The following EPHA6 variants were observed in gnomAD, a reference collection of about 807,000 sequenced individuals.
EPHA6 encodes EPH receptor A6.
Under a neutral mutation model 112.0 loss-of-function variants are expected in EPHA6, and 50 were observed. The observed-to-expected ratio is 0.45, with a 90% CI of 0.36 to 0.56. The LOEUF is 0.56. Ranked by LOEUF, EPHA6 falls within the 20% of genes least tolerant of loss-of-function variation. The pLI is 0.00. For missense variants in EPHA6, 1,280 were observed against 1,417.4 expected (o/e 0.90, Z 1.56); for synonymous variants, 529 against 490.7 (o/e 1.08, Z -1.03).
At chr3:97,240,428 C>T (rs1043958635) in intron 4 of EPHA6, among the ~76,000 whole-genome samples, 2 of 151,778 alleles carry the variant, frequency 1.3e-5, no homozygotes, top group Non-Finnish European at 2.9e-5. Flanking sequence ...TTAAATATAG[C>T]TTAATATGCA....
chr3:97,370,360 C>G (rs2084976899), intron 5 of EPHA6, among the ~76,000 whole-genome samples: 1 of 152,108 alleles, frequency 6.6e-6, no homozygotes, highest in South Asian at 2.1e-4. Context: ...AAGTCCTTGA[C>G]CACAAAAAAT....
chr3:97,069,417 A>G (rs564898222), intron 3 of EPHA6, among the ~76,000 whole-genome samples: 3 of 152,276 alleles, frequency 2.0e-5, no homozygotes, highest in African/African-American at 4.8e-5. Flanking sequence ...GTATCTGCAC[A>G]TAAGTTGGCC....
At chr3:97,616,189 G>T (rs1417012366) in intron 13 of EPHA6, among the ~76,000 whole-genome samples, 1 of 152,118 alleles carries the variant, frequency 6.6e-6, no homozygotes, top group Non-Finnish European at 1.5e-5. Flanking sequence ...AGGCAACCAG[G>T]CACTGGAGCA....
chr3:97,620,157 G>A (rs1224540672), intron 13 of EPHA6, among the ~76,000 whole-genome samples: 1 of 151,982 alleles, frequency 6.6e-6, no homozygotes, highest in African/African-American at 2.4e-5. Context: ...ACAAAAACAA[G>A]CAATGAGGAA....
intron 14 of EPHA6, among the ~76,000 whole-genome samples, chr3:97,705,605 C>A (rs375316600): frequency 6.6e-6 from 1 of 152,028 alleles, no homozygotes; most frequent in Non-Finnish European, 1.5e-5. Context: ...TGTACACACA[C>A]TGAATATTTG....
chr3:96,916,683 A>G (rs538299441), intron 2 of EPHA6, among the ~76,000 whole-genome samples: 33 of 152,230 alleles, frequency 2.2e-4, no homozygotes, highest in Admixed American at 2.6e-4. Flanking sequence ...GTAGGAAGTA[A>G]GTTGGGCCTA....
At chr3:96,964,865 A>G (rs949761792) in intron 2 of EPHA6, among the ~76,000 whole-genome samples, 13 of 152,196 alleles carry the variant, frequency 8.5e-5, no homozygotes, top group Admixed American at 8.5e-4. Flanking sequence ...GTCTTCATCA[A>G]TAGTATTGTC....
intron 11 of EPHA6, among the ~76,000 whole-genome samples, chr3:97,534,508 TTTAA>T (rs1007802007): frequency 1.3e-5 from 2 of 149,686 alleles, no homozygotes; most frequent in East Asian, 2.0e-4. Flanking sequence ...AGTTTTATAC[TTTAA>T]TTATCTTATT....
chr3:97,264,306 G>A (rs1461693600), intron 5 of EPHA6, among the ~76,000 whole-genome samples: 2 of 152,236 alleles, frequency 1.3e-5, no homozygotes, highest in African/African-American at 4.8e-5. Context: ...AAGCGTGTGT[G>A]TGAGCATGGG....
At chr3:96,829,993 A>G (rs907931329) in intron 1 of EPHA6, among the ~76,000 whole-genome samples, 4 of 151,570 alleles carry the variant, frequency 2.6e-5, no homozygotes, top group African/African-American at 4.8e-5. Flanking sequence ...ACACACAGAA[A>G]TGGTATGCTA....
At chr3:97,403,218 TC>T (rs2087107341) in intron 5 of EPHA6, among the ~76,000 whole-genome samples, 1 of 152,052 alleles carries the variant, frequency 6.6e-6, no homozygotes, top group African/African-American at 2.4e-5. Flanking sequence ...ATCAACAATA[TC>T]ATTATTAAAA....
intron 10 of EPHA6, among the ~76,000 whole-genome samples, chr3:97,490,586 A>G (rs974514347): frequency 6.6e-6 from 1 of 152,176 alleles, no homozygotes; most frequent in Non-Finnish European, 1.5e-5. Context: ...AGAGTTCTCC[A>G]AGGATGTTAG....
chr3:97,507,482 A>G (rs992827008), intron 10 of EPHA6, among the ~76,000 whole-genome samples: 1 of 152,272 alleles, frequency 6.6e-6, no homozygotes, highest in African/African-American at 2.4e-5. Flanking sequence ...ATTTGCATAT[A>G]TTAAACCAGC....
intron 11 of EPHA6, among the ~76,000 whole-genome samples, chr3:97,583,786 C>A (rs1179646252): frequency 6.6e-6 from 1 of 152,042 alleles, no homozygotes; most frequent in Non-Finnish European, 1.5e-5. Flanking sequence ...AACAAACTGA[C>A]TAGAAAGTTT....
At chr3:96,856,433 AT>A (rs1489910177) in intron 1 of EPHA6, among the ~76,000 whole-genome samples, 2 of 152,130 alleles carry the variant, frequency 1.3e-5, no homozygotes, top group Non-Finnish European at 2.9e-5. Flanking sequence ...TGGAAAAAAA[AT>A]ATTGGTTTAT....
chr3:97,047,311 T>C lies in EPHA6; in HGVS notation c.1114+59318T>C, dbSNP rs192882196. ...GTCAGGAGATCAAGACCATCCTGGC[T>C]AACATGGTGAAACCCCGTCTCTACT... On this transcript the variant is annotated intron_variant, in intron 3 of 17. Transcript: ENST00000389672. 2.5e-3 allele frequency among the ~76,000 whole-genome samples: 374 copies of C among 151,746 alleles called. 3 individuals carry two copies. Among genetic ancestry groups the C allele is most frequent in the African/African-American group, 8.7e-3 (359 of 41,424 alleles).
intron 5 of EPHA6, among the ~76,000 whole-genome samples, chr3:97,297,590 C>T (rs2080920282): frequency 1.3e-5 from 2 of 151,896 alleles, no homozygotes; most frequent in African/African-American, 4.8e-5. Context: ...TAGAAAGTAA[C>T]AATAAAGTTG....
At chr3:97,713,975 C>T (rs2034101525) in intron 14 of EPHA6, among the ~76,000 whole-genome samples, 1 of 152,210 alleles carries the variant, frequency 6.6e-6, no homozygotes, top group Non-Finnish European at 1.5e-5. Context: ...TGGACCAAGA[C>T]ACACAGATTT....
chr3:97,635,980 A>T (rs2107550831), intron 13 of EPHA6, among the ~76,000 whole-genome samples: 1 of 152,014 alleles, frequency 6.6e-6, no homozygotes, highest in Non-Finnish European at 1.5e-5. Flanking sequence ...TGACTCATTA[A>T]AATTGCAAAA....
Sources: allele counts gnomAD v4.1 joint callset (sites outside exome capture counted in the v4.1 genomes callset), GRCh38; gene constraint gnomAD v4.1.1; transcripts MANE v1.5; gene names NCBI Gene and HGNC (gene_info 2026-07-23, HGNC 2026-07-21).